The following ZNF704 variants were observed in gnomAD, a reference collection of about 807,000 sequenced individuals.
The protein encoded by ZNF704 is zinc finger protein 704.
ZNF704 carries 10 observed loss-of-function variants against 44.7 expected under a neutral mutation model. That is an observed-to-expected ratio of 0.22 (90% CI 0.14 to 0.38). The LOEUF is 0.38. ZNF704 is among the 10% of genes least tolerant of loss of function. The probability of loss-of-function intolerance (pLI) is 1.00; values close to 1 mark genes in which losing one functional copy is unlikely to be tolerated. For missense variants in ZNF704, 390 were observed against 545.5 expected (o/e 0.71, Z 2.84); for synonymous variants, 211 against 207.6 (o/e 1.02, Z -0.14).
intron 8 of ZNF704, among the ~76,000 whole-genome samples, chr8:80,641,694 C>T (rs1405202132): frequency 1.3e-5 from 2 of 152,084 alleles, no homozygotes; most frequent in African/African-American, 4.8e-5. Context: ...TGGTGAAACT[C>T]TGTCTCTACT....
At chr8:80,670,423 T>G in intron 5 of ZNF704, 80 bp downstream of exon 5, 1 of 988,344 alleles carries the variant, frequency 1.0e-6, no homozygotes. Context: ...TAAGGCACAG[T>G]GTGGTGTGCA....
intron 1 of ZNF704, among the ~76,000 whole-genome samples, chr8:80,863,828 T>C (rs1341358602): frequency 6.6e-6 from 1 of 152,226 alleles, no homozygotes; most frequent in Non-Finnish European, 1.5e-5. Context: ...TTTTTGTATG[T>C]TCTTTTCATT....
chr8:80,725,775 G>A (rs1405758622), intron 2 of ZNF704, among the ~76,000 whole-genome samples: 1 of 152,154 alleles, frequency 6.6e-6, no homozygotes, highest in Non-Finnish European at 1.5e-5. Context: ...ATGCTTATAT[G>A]AATTCTAAAC....
chr8:80,711,286 A>G (rs1818981941), intron 2 of ZNF704, among the ~76,000 whole-genome samples: 1 of 152,206 alleles, frequency 6.6e-6, no homozygotes, highest in Non-Finnish European at 1.5e-5. Context: ...GGCAGTGATG[A>G]TTCTGACAGT....
intron 2 of ZNF704, among the ~76,000 whole-genome samples, chr8:80,787,330 G>GCA (rs958051893): frequency 6.6e-6 from 1 of 152,090 alleles, no homozygotes; most frequent in African/African-American, 2.4e-5. Flanking sequence ...ACATGTGCGT[G>GCA]CACACACACT....
At chr8:80,866,727 G>A (rs967233342) in intron 1 of ZNF704, among the ~76,000 whole-genome samples, 5 of 152,090 alleles carry the variant, frequency 3.3e-5, no homozygotes, top group African/African-American at 1.2e-4. Context: ...GGGTTGGGGG[G>A]GGGATACATT....
chr8:80,809,267 G>C (rs1471057642), intron 2 of ZNF704, among the ~76,000 whole-genome samples: 1 of 152,030 alleles, frequency 6.6e-6, no homozygotes, highest in Non-Finnish European at 1.5e-5. Flanking sequence ...CTCCAGCCTG[G>C]GCAACAAAAG....
At chr8:80,688,933 TG>T (rs1313577987) in intron 3 of ZNF704, among the ~76,000 whole-genome samples, 1 of 128,616 alleles carries the variant, frequency 7.8e-6, no homozygotes, top group African/African-American at 3.0e-5. Context: ...CACTCCAGCC[TG>T]GGCAACAGAG....
At chr8:80,650,441 C>T (rs1011767210) in intron 7 of ZNF704, among the ~76,000 whole-genome samples, 2 of 152,164 alleles carry the variant, frequency 1.3e-5, no homozygotes, top group African/African-American at 2.4e-5. Context: ...GAATGGCTAA[C>T]CAGAATAACC....
chr8:80,869,543 C>T (rs1302386807), intron 1 of ZNF704, among the ~76,000 whole-genome samples: 1 of 152,198 alleles, frequency 6.6e-6, no homozygotes, highest in Non-Finnish European at 1.5e-5. Flanking sequence ...GAGGAAGGTT[C>T]CCAAAGGCCA....
chr8:80,852,138 T>C (rs987909634), intron 1 of ZNF704, among the ~76,000 whole-genome samples: 8 of 152,160 alleles, frequency 5.3e-5, no homozygotes, highest in Admixed American at 3.9e-4. Context: ...TGTTAAATGT[T>C]CAACATACTT....
chr8:80,840,894 T>A (rs796161715), intron 1 of ZNF704, among the ~76,000 whole-genome samples: 9 of 152,342 alleles, frequency 5.9e-5, no homozygotes, highest in African/African-American at 2.2e-4. Context: ...ATAGTAGCTG[T>A]ACCATTCCCA....
In ZNF704 at chr8:80,874,244, C is replaced by A. The variant is rs1316896763; in HGVS notation, c.-22+327G>T. ...TCGCTGGACCGGCCGGCGGGGACGC[C>A]GGCGGCCGGCGGCTACGGCGGGGCG... On this transcript the variant is annotated intron_variant, in intron 1 of 8. Transcript: ENST00000327835. This position sits in a 1 kb window ranked among gnomAD's most constrained non-coding sequence, Gnocchi z 4.4. 1.4e-5 allele frequency among the ~76,000 whole-genome samples: 2 copies of A among 144,502 alleles called. No homozygotes were observed. Among genetic ancestry groups the A allele is most frequent in the Non-Finnish European group, 3.1e-5 (2 of 65,244 alleles). 94.8% of individuals were successfully genotyped at this position (144,502 alleles called of 152,430 possible).
chr8:80,763,846 A>C (rs774707738), intron 2 of ZNF704, among the ~76,000 whole-genome samples: 1 of 152,202 alleles, frequency 6.6e-6, no homozygotes, highest in Non-Finnish European at 1.5e-5. Context: ...ACCCTAAATC[A>C]TCTCTCTCAA....
rs895739088 is a variant in ZNF704 at position 80,670,632 on chromosome 8, T to C, written c.559-29A>G. ...TAAAGGGGAGAGAGTGATATTAGAA[T>C]GGAAACTATTTTCTAACAACATTTT... On this transcript the variant is annotated intron_variant, in intron 4 of 8. Transcript: ENST00000327835. 2.1e-6 allele frequency: 3 copies of C among 1,449,420 alleles called. No homozygotes were observed. The Admixed American group carries it at 5.2e-5, about 25-fold the overall frequency. The allele number at this position is 1,449,420 out of a possible 1,614,324, so 89.8% of individuals were successfully genotyped here. A position where few individuals can be genotyped will look rare whatever the true frequency, so the allele number is the denominator to read the frequency against.
At chr8:80,795,598 T>C (rs1807785074) in intron 2 of ZNF704, among the ~76,000 whole-genome samples, 1 of 152,008 alleles carries the variant, frequency 6.6e-6, no homozygotes, top group Admixed American at 6.6e-5. Flanking sequence ...AGTGTTCTGA[T>C]TCCTAGCTAC....
At chr8:80,841,540 T>A (rs529158625) in intron 1 of ZNF704, among the ~76,000 whole-genome samples, 2 of 152,350 alleles carry the variant, frequency 1.3e-5, no homozygotes, top group African/African-American at 2.4e-5. Flanking sequence ...TCTTAACTTG[T>A]AAGAATCCAC....
At chr8:80,798,089 T>C (rs994516064) in intron 2 of ZNF704, among the ~76,000 whole-genome samples, 3 of 152,178 alleles carry the variant, frequency 2.0e-5, no homozygotes, top group Non-Finnish European at 2.9e-5. Context: ...TTTTAATTTT[T>C]GTGGATATAC....
At chr8:80,775,600 C>T (rs1807397817) in intron 2 of ZNF704, among the ~76,000 whole-genome samples, 1 of 152,290 alleles carries the variant, frequency 6.6e-6, no homozygotes, top group Admixed American at 6.5e-5. Flanking sequence ...GAACAGTAAT[C>T]ATCATTTAAG....
Sources: gnomAD v4.1 joint callset for allele counts (sites outside exome capture counted in the v4.1 genomes callset) on GRCh38, gnomAD v4.1.1 for gene constraint, Gnocchi (gnomAD v3.1) non-coding constraint, MANE v1.5 for transcripts, NCBI Gene and HGNC (gene_info 2026-07-23, HGNC 2026-07-21) for gene names.